DNAH7: variants seen among roughly 807,000 people sequenced by gnomAD.
The protein encoded by DNAH7 is dynein axonemal heavy chain 7.
In DNAH7, 397 loss-of-function variants were observed where a neutral mutation model predicts 444.6. The ratio of observed to expected loss-of-function variants is 0.89; its 90% confidence interval spans 0.82 to 0.97. The LOEUF (loss-of-function observed/expected upper bound fraction) is 0.97, where lower values mean the gene tolerates loss of function less well. DNAH7 is among the 50% of genes least tolerant of loss of function. The pLI is 0.00. For missense variants in DNAH7, 4,902 were observed against 4,800.8 expected, an observed-to-expected ratio of 1.02 and a Z score of -0.62; for synonymous variants, 1,636 against 1,624.4, an observed-to-expected ratio of 1.01 and a Z score of -0.17.
At chr2:195,927,238 C>T (rs1688392623) in intron 21 of DNAH7, among the ~76,000 whole-genome samples, 1 of 152,114 alleles carries the variant, frequency 6.6e-6, no homozygotes, top group South Asian at 2.1e-4. Context: ...ACACACTAGT[C>T]TGTTACATGC....
intron 64 of DNAH7, among the ~76,000 whole-genome samples, chr2:195,740,525 T>C (rs567891205): frequency 3.0e-4 from 46 of 151,300 alleles, no homozygotes; most frequent in Non-Finnish European, 5.7e-4. Context: ...ATTTGCTAAT[T>C]CAATGTTGGA....
In DNAH7 at chr2:195,978,491, G is replaced by C. The variant is rs533184097; in HGVS notation, c.1834-6025C>G. On this transcript the variant is annotated intron_variant, in intron 15 of 64. Coordinates refer to ENST00000312428, the MANE Select transcript of DNAH7 (RefSeq NM_018897.3). ...GGAAGACAGAAAGGAGAAAAAGAAG[G>C]AAGAGAAGACTGCAAAACAACCAGA... Among the ~76,000 whole-genome samples the C allele has an allele frequency of 2.6e-5, 4 of 152,068 alleles. No homozygotes were observed. The South Asian group carries it at 8.3e-4, about 32-fold the overall frequency.
chr2:195,769,910 G>A (rs569150165), intron 61 of DNAH7, among the ~76,000 whole-genome samples: 8 of 152,210 alleles, frequency 5.3e-5, no homozygotes, highest in African/African-American at 1.9e-4. Context: ...TCTAAAGGAG[G>A]TATCTAACAA....
intron 3 of DNAH7, among the ~76,000 whole-genome samples, chr2:196,050,537 T>A (rs1414867135): frequency 6.6e-6 from 1 of 152,118 alleles, no homozygotes; most frequent in Non-Finnish European, 1.5e-5. Flanking sequence ...ATAATAATAT[T>A]TGCATTGACC....
chr2:195,746,316 C>T (rs1693399784), intron 63 of DNAH7, among the ~76,000 whole-genome samples: 1 of 152,074 alleles, frequency 6.6e-6, no homozygotes, highest in Non-Finnish European at 1.5e-5. Context: ...AATATATATG[C>T]ACCCAATACA....
chr2:195,804,659 A>G (rs1410775955), intron 54 of DNAH7, among the ~76,000 whole-genome samples: 1 of 152,174 alleles, frequency 6.6e-6, no homozygotes, highest in Non-Finnish European at 1.5e-5. Context: ...TGATTCCACT[A>G]TTTTGATGGC....
intron 6 of DNAH7, 70 bp downstream of exon 6, chr2:196,027,890 C>T (rs1024786966): frequency 1.0e-5 from 15 of 1,451,956 alleles, no homozygotes; most frequent in Non-Finnish European, 1.4e-5. Flanking sequence ...GAGTGGTCTC[C>T]AAAGTATAAA....
At chr2:196,048,859 C>T (rs1697293579) in intron 3 of DNAH7, among the ~76,000 whole-genome samples, 1 of 152,114 alleles carries the variant, frequency 6.6e-6, no homozygotes, top group Non-Finnish European at 1.5e-5. Context: ...ATTATACATA[C>T]ACAATTTTGG....
chr2:195,794,341 CT>C lies in DNAH7; in HGVS notation c.10712del (p.Lys3571SerfsTer28), dbSNP rs752892157. On this transcript the variant is annotated frameshift_variant, in exon 57 of 65. Transcript: ENST00000312428. LOFTEE classifies it high-confidence loss of function. Reference protein sequence around the residue: ...SDPEFFGSCKKPEEFKKLLYG... With the variant: ...SDPEFFGSCKXPEEFKKLLYG... ...ACAAGACTTAACCATTACTAACAGG[CT>C]TTTTGCAGCTGCCAAAGAACTCCGG... 6.8e-6 allele frequency: 11 copies of C among 1,614,066 alleles called. No homozygotes were observed. The highest frequency in any genetic ancestry group is 6.6e-5 in the South Asian group (6 of 91,074).
rs1302991729 is a variant in DNAH7, at chr2:195,994,476, C to T, written c.1353+6228G>A. The T allele has an allele frequency of 2.7e-5, 14 of 514,606 alleles. No homozygotes were observed. The Admixed American group carries it at 2.8e-4, about 10-fold the overall frequency. The allele number at this position is 514,606 out of a possible 1,614,324, so 31.9% of individuals were successfully genotyped here. On this transcript the variant is annotated intron_variant, in intron 12 of 64. Transcript: ENST00000312428. ...AGAAAGGTTTGCCATAGAAATTGAC[C>T]AATCGCCATGTCCTGTGTTGGTTGA... is the stretch of plus-strand genomic sequence containing the variant.
At position 195,895,098 on chromosome 2, in the gene DNAH7, T is replaced by A. The variant is rs770166219; in HGVS notation, c.4774A>T (p.Ile1592Phe). ...ATCATCATTTCATATACTTGAAGAATCTTCTCGGAAAAGAATGCAGTCATT... is the reference window on the plus strand; with the variant it reads ...ATCATCATTTCATATACTTGAAGAAACTTCTCGGAAAAGAATGCAGTCATT... ...LQMTAFFSEK[I>F]LQVYEMMIVR... Residue 1592 changes from isoleucine to phenylalanine, a missense_variant, in exon 30 of 65, where the codon ATT (isoleucine) becomes TTT (phenylalanine). Coordinates refer to ENST00000312428, the MANE Select transcript of DNAH7 (RefSeq NM_018897.3). 3.1e-6 allele frequency: 5 copies of A among 1,613,642 alleles called. No individual in the cohort carries two copies. In the African/African-American group the frequency reaches 4.0e-5, roughly 13 times the overall value.
chr2:195,847,750 A>G (rs2125020209), intron 46 of DNAH7, among the ~76,000 whole-genome samples: 1 of 152,288 alleles, frequency 6.6e-6, no homozygotes, highest in Non-Finnish European at 1.5e-5. Flanking sequence ...CACATACAAT[A>G]TTATAGTAGA....
chr2:195,983,492 A>C (rs546027339), intron 15 of DNAH7, among the ~76,000 whole-genome samples: 22 of 152,258 alleles, frequency 1.4e-4, no homozygotes, highest in African/African-American at 5.1e-4. Context: ...AGGGGGTGCC[A>C]GGCTCTTTTT....
intron 5 of DNAH7, among the ~76,000 whole-genome samples, chr2:196,037,566 C>A (rs1425422194): frequency 6.6e-6 from 1 of 151,762 alleles, no homozygotes; most frequent in African/African-American, 2.4e-5. Context: ...AAAAAAGAAC[C>A]AAACAGAAAT....
At chr2:195,967,770 T>A (rs554492740) in intron 17 of DNAH7, among the ~76,000 whole-genome samples, 1 of 152,344 alleles carries the variant, frequency 6.6e-6, no homozygotes, top group South Asian at 2.1e-4. Flanking sequence ...GCTTTTAGGT[T>A]CCTTTATTTT....
chr2:195,858,721 A>G lies in DNAH7; in HGVS notation c.7820T>C (p.Met2607Thr). Residue 2607 changes from methionine (M) to threonine (T), a missense_variant, in exon 43 of 65, where the codon ATG becomes ACG. Met to Thr is a moderately conservative substitution (Grantham distance 81). Coordinates refer to ENST00000312428, the MANE Select transcript of DNAH7 (RefSeq NM_018897.3). ...SASSQVATMQ[M>T]ELEALHPQLK... is the part of the protein sequence containing the mutation. ...TTGAGGATGTAGTGCCTCCAACTCCATCTGCATTGTGGCTACTTGAGATGA... is the reference window on the plus strand; with the variant it reads ...TTGAGGATGTAGTGCCTCCAACTCCGTCTGCATTGTGGCTACTTGAGATGA... 1 of 1,614,046 alleles carries G rather than the reference A, an allele frequency of 6.2e-7. No individual in the cohort carries two copies. Among genetic ancestry groups the G allele is most frequent in the African/African-American group, 1.3e-5 (1 of 75,036 alleles).
chr2:196,041,837 A>G (rs1696781847), intron 5 of DNAH7, among the ~76,000 whole-genome samples: 1 of 151,934 alleles, frequency 6.6e-6, no homozygotes, highest in Non-Finnish European at 1.5e-5. Context: ...AGAATATATA[A>G]GGAACTCAAA....
At chr2:195,923,885 T>C (rs551871991) in intron 22 of DNAH7, 78 bp from the exon 23 acceptor site, 12 of 1,188,802 alleles carry the variant, frequency 1.0e-5, no homozygotes, top group South Asian at 5.4e-5. Context: ...AACTAGTATA[T>C]ATACAGATTA....
chr2:195,999,274 T>C, intron 12 of DNAH7: 1 of 709,956 alleles, frequency 1.4e-6, no homozygotes. Context: ...GATGGTTGCC[T>C]TAAGAATTTG....
Sources: gnomAD v4.1 joint callset for allele counts (sites outside exome capture counted in the v4.1 genomes callset) on GRCh38, gnomAD v4.1.1 for gene constraint, MANE v1.5 for transcripts, NCBI Gene and HGNC (gene_info 2026-07-23, HGNC 2026-07-21) for gene names.